ASRGL1: variants seen among roughly 807,000 people sequenced by gnomAD.
The protein encoded by ASRGL1 is asparaginase and isoaspartyl peptidase 1.
A neutral mutation model predicts 22.4 loss-of-function variants in ASRGL1; 16 were observed. That is an observed-to-expected ratio of 0.71 (90% CI 0.48 to 1.08). The LOEUF is 1.08. ASRGL1 is among the 50% of genes least tolerant of loss of function. The probability of loss-of-function intolerance (pLI) is 0.00; values close to 1 mark genes in which losing one functional copy is unlikely to be tolerated. For synonymous variants in ASRGL1, 165 were observed against 159.3 expected, an observed-to-expected ratio of 1.04 and a Z score of -0.27; for missense variants, 412 against 410.1, an observed-to-expected ratio of 1.00 and a Z score of -0.04.
At chr11:62,372,331 A>C (rs1450327448) in intron 4 of ASRGL1, 3 of 1,593,436 alleles carry the variant, frequency 1.9e-6, no homozygotes, top group Non-Finnish European at 2.6e-6. Flanking sequence ...AACTAGACAG[A>C]CGCTGTCCCC....
chr11:62,388,435 G>A lies in ASRGL1; in HGVS notation c.492-698G>A, dbSNP rs145262835. 4.6e-3 allele frequency among the ~76,000 whole-genome samples: 699 copies of A among 152,204 alleles called. 9 individuals carry two copies. Among genetic ancestry groups the A allele is most frequent in the African/African-American group, 0.016 (670 of 41,526 alleles). On this transcript the variant is annotated intron_variant, in intron 4 of 6. Transcript: ENST00000415229. ...TAACCCCAGCACTTTGGGAGTCCAA[G>A]GCAGGCGTATCACCTGAGCTCAGAG...
At chr11:62,342,180 A>C (rs967601249) in intron 2 of ASRGL1, among the ~76,000 whole-genome samples, 1 of 152,210 alleles carries the variant, frequency 6.6e-6, no homozygotes, top group African/African-American at 2.4e-5. Context: ...TAAAAGAGGC[A>C]AAGGTAGAGG....
intron 4 of ASRGL1, among the ~76,000 whole-genome samples, chr11:62,363,130 T>A (rs911830815): frequency 2.0e-5 from 3 of 151,452 alleles, no homozygotes; most frequent in Non-Finnish European, 4.4e-5. Flanking sequence ...AGACGGGGTT[T>A]CACCATGTTA....
chr11:62,385,108 C>T (rs1334521786), intron 4 of ASRGL1, among the ~76,000 whole-genome samples: 1 of 150,988 alleles, frequency 6.6e-6, no homozygotes, highest in Admixed American at 6.6e-5. Flanking sequence ...TAGAGGTGGG[C>T]CTGCCACCAG....
In ASRGL1 at chr11:62,392,299, G is replaced by T; in HGVS notation, c.*15G>T. ...ACCTTCCCTAAGCCGCTGGAAGATT[G>T]TATTCCAGATGCTAGCTTAGAGGTC... On this transcript the variant is annotated 3_prime_UTR_variant, in exon 7 of 7. Coordinates refer to ENST00000415229, the MANE Select transcript of ASRGL1 (RefSeq NM_001083926.2). 2 of 1,612,114 alleles carry T rather than the reference G, an allele frequency of 1.2e-6. No homozygotes were observed. The highest frequency in any genetic ancestry group is 1.7e-6 in the Non-Finnish European group (2 of 1,179,290).
chr11:62,373,621 C>T lies in ASRGL1; in HGVS notation c.492-15512C>T, dbSNP rs536730559. Among the ~76,000 whole-genome samples, 4 of 152,350 alleles carry T rather than the reference C, an allele frequency of 2.6e-5. No homozygotes were observed. The South Asian group carries it at 8.3e-4, about 32-fold the overall frequency. ...GGAACCGGCAGCAGCTAGGCGAAGTCGCCGGCCCACCTCCATCCAAAATCA... is the reference window on the plus strand; with the variant it reads ...GGAACCGGCAGCAGCTAGGCGAAGTTGCCGGCCCACCTCCATCCAAAATCA... On this transcript the variant is annotated intron_variant, in intron 4 of 6. Transcript: ENST00000415229.
At position 62,372,482 on chromosome 11, in the gene ASRGL1, A is replaced by G. The variant is rs1946799759; in HGVS notation, c.491+15338A>G. 4 of 1,384,298 alleles carry G rather than the reference A, an allele frequency of 2.9e-6. No homozygotes were observed. In the South Asian group the frequency reaches 4.6e-5, roughly 16 times the overall value. The allele number at this position is 1,384,298 out of a possible 1,614,324, so 85.8% of individuals were successfully genotyped here. A position where few individuals can be genotyped will look rare whatever the true frequency, so the allele number is the denominator to read the frequency against. On this transcript the variant is annotated intron_variant, in intron 4 of 6. Coordinates refer to ENST00000415229, the MANE Select transcript of ASRGL1 (RefSeq NM_001083926.2). Reference sequence around the variant, plus strand: ...TATGGTCAGCTGGGACACAACTCAGATGGGAAGTTCATTGCCCGGGCACAG... The same window carrying G: ...TATGGTCAGCTGGGACACAACTCAGGTGGGAAGTTCATTGCCCGGGCACAG...
chr11:62,395,878 TCTC>T (rs1213226794), downstream of ASRGL1, among the ~76,000 whole-genome samples: 3 of 143,574 alleles, frequency 2.1e-5, no homozygotes, highest in African/African-American at 5.0e-5. Context: ...TTCAAGCAAT[TCTC>T]CTGCCTCAGC....
chr11:62,376,910 T>C (rs935866339), intron 4 of ASRGL1, among the ~76,000 whole-genome samples: 12 of 152,356 alleles, frequency 7.9e-5, no homozygotes, highest in Non-Finnish European at 1.8e-4. Flanking sequence ...GCTGCCCATA[T>C]GAAATGTGAA....
In ASRGL1 at chr11:62,392,590, A is replaced by G. The variant is rs61893609; in HGVS notation, c.*306A>G. 7.6e-6 allele frequency: 3 copies of G among 394,282 alleles called. No individual in the cohort carries two copies. The highest frequency in any genetic ancestry group is 9.3e-6 in the Non-Finnish European group (2 of 214,944). 24.4% of individuals were successfully genotyped at this position (394,282 alleles called of 1,614,324 possible). A position where few individuals can be genotyped will look rare whatever the true frequency, so the allele number is the denominator to read the frequency against. On this transcript the variant is annotated 3_prime_UTR_variant, in exon 7 of 7. Coordinates refer to ENST00000415229, the MANE Select transcript of ASRGL1 (RefSeq NM_001083926.2). The stretch of plus-strand genomic sequence containing the variant: ...TATCAAAAAAAAAAAAAAAAAGAAA[A>G]GGGAAAAAAGAAAGAAAGCAGCAGC...
chr11:62,377,420 C>A (rs997610978), intron 4 of ASRGL1, among the ~76,000 whole-genome samples: 2 of 152,146 alleles, frequency 1.3e-5, no homozygotes, highest in Non-Finnish European at 2.9e-5. Flanking sequence ...TGATTAAAAT[C>A]TTGTAACACT....
In ASRGL1 at chr11:62,389,251, G is replaced by T. The variant is rs760638314; in HGVS notation, c.610G>T (p.Gly204Ter). Residue 204 changes from glycine (G) to a stop codon, truncating the protein, a stop_gained and splice_region_variant, in exon 5 of 7, where the codon GGA becomes TGA. Coordinates refer to ENST00000415229, the MANE Select transcript of ASRGL1 (RefSeq NM_001083926.2). LOFTEE classifies it high-confidence loss of function. ...VGRVGDSPCLGAGGYADNDIG... is the reference protein window; with the variant it reads ...VGRVGDSPCL ...CCGCGTTGGGGACTCACCGTGTCTA[G>T]GTAGGACCAAGGGATGCCTCCTGCC... The T allele has an allele frequency of 1.2e-6, 2 of 1,612,630 alleles. No homozygotes were observed. Among genetic ancestry groups the T allele is most frequent in the Non-Finnish European group, 1.7e-6 (2 of 1,178,804 alleles).
chr11:62,337,993 G>A lies in ASRGL1; in HGVS notation c.16G>A (p.Val6Met), dbSNP rs183580478. Residue 6 changes from valine to methionine, a missense_variant, in exon 2 of 7, where the codon GTG (valine) becomes ATG (methionine). Transcript: ENST00000415229. ...ATCCGCCGACATGAATCCCATCGTAGTGGTCCACGGCGGCGGAGCCGGTCC... is the reference window on the plus strand; with the variant it reads ...ATCCGCCGACATGAATCCCATCGTAATGGTCCACGGCGGCGGAGCCGGTCC... MNPIV[V>M]VHGGGAGPIS... 2.5e-6 allele frequency: 4 copies of A among 1,601,268 alleles called. No homozygotes were observed. In the East Asian group the frequency reaches 9.0e-5, roughly 36 times the overall value.
chr11:62,338,288 AAAAG>A, intron 2 of ASRGL1, 121 bp downstream of exon 2: 2 of 1,043,452 alleles, frequency 1.9e-6, no homozygotes, highest in South Asian at 2.0e-5. Flanking sequence ...AAGTATGTAA[AAAAG>A]AAACAATATT....
intron 4 of ASRGL1, chr11:62,371,795 A>G (rs1946773326): frequency 4.3e-6 from 2 of 467,740 alleles, no homozygotes; most frequent in South Asian, 4.0e-5. Context: ...TACTAAAAAT[A>G]CAAAAAAAAT....
At chr11:62,364,425 A>G (rs999998975) in intron 4 of ASRGL1, among the ~76,000 whole-genome samples, 2 of 142,278 alleles carry the variant, frequency 1.4e-5, no homozygotes, top group Non-Finnish European at 3.2e-5. Flanking sequence ...TTCTAGATAA[A>G]ATAGTATGGA....
At chr11:62,397,686 C>T (rs1292305002), downstream of ASRGL1, among the ~76,000 whole-genome samples, 6 of 148,070 alleles carry the variant, frequency 4.1e-5, no homozygotes, top group East Asian at 2.0e-4. Flanking sequence ...AAAAAAACCA[C>T]GGGAAAAATT....
chr11:62,350,586 A>G (rs1946144811), intron 2 of ASRGL1, among the ~76,000 whole-genome samples: 1 of 152,206 alleles, frequency 6.6e-6, no homozygotes, highest in East Asian at 1.9e-4. Flanking sequence ...ACTTGAGGCC[A>G]GGAGTTCAAA....
chr11:62,392,242 C>G lies in ASRGL1; in HGVS notation c.885C>G (p.Phe295Leu). 6.2e-7 allele frequency: 1 copy of G among 1,614,112 alleles called. No homozygotes were observed. The highest frequency in any genetic ancestry group is 2.2e-5 in the East Asian group (1 of 44,884). Residue 295 changes from phenylalanine (F) to leucine (L), a missense_variant, in exon 7 of 7, where the codon TTC becomes TTG. Coordinates refer to ENST00000415229, the MANE Select transcript of ASRGL1 (RefSeq NM_001083926.2). ...WAAAKDGKLHFGIDPDDTTIT... is the reference protein window; with the variant it reads ...WAAAKDGKLHLGIDPDDTTIT... ...CCGCCAAGGACGGCAAGCTGCACTT[C>G]GGAATTGATCCTGACGATACTACTA...
Sources: allele counts gnomAD v4.1 joint callset (sites outside exome capture counted in the v4.1 genomes callset), GRCh38; gene constraint gnomAD v4.1.1; transcripts MANE v1.5; gene names NCBI Gene and HGNC (gene_info 2026-07-23, HGNC 2026-07-21).